Variants in GPR158 observed in about 807,000 individuals in gnomAD.
GPR158 encodes the protein G protein-coupled receptor 158, also known as metabotropic glycine receptor.
Under a neutral mutation model 78.2 loss-of-function variants are expected in GPR158, and 30 were observed. That is an observed-to-expected ratio of 0.38 (90% CI 0.29 to 0.52). The LOEUF (loss-of-function observed/expected upper bound fraction) is 0.52, where lower values mean the gene tolerates loss of function less well. Ranked by LOEUF, GPR158 falls within the 20% of genes least tolerant of loss-of-function variation. The probability of loss-of-function intolerance (pLI) is 0.83; values close to 1 mark genes in which losing one functional copy is unlikely to be tolerated. For synonymous variants in GPR158, 581 were observed against 591.1 expected (o/e 0.98, Z 0.25); for missense variants, 1,463 against 1,523.5 (o/e 0.96, Z 0.66).
chr10:25,251,310 T>G (rs1021770114), intron 2 of GPR158, among the ~76,000 whole-genome samples: 1 of 152,090 alleles, frequency 6.6e-6, no homozygotes, highest in African/African-American at 2.4e-5. Context: ...TTAGTCCATT[T>G]AAATTTAAAG....
In GPR158 at chr10:25,598,287, A is replaced by C. The variant is rs1356264631; in HGVS notation, c.2661A>C (p.Ser887=). 1 of 1,614,122 alleles carries C rather than the reference A, an allele frequency of 6.2e-7. No individual in the cohort carries two copies. The highest frequency in any genetic ancestry group is 1.7e-5 in the Admixed American group (1 of 60,014). The change falls in exon 11 of 11, where the codon TCA becomes TCC. Residue 887 remains serine, a synonymous_variant. Coordinates refer to ENST00000376351, the MANE Select transcript of GPR158 (RefSeq NM_020752.3). ...CKSASAHNLS[S]EKKTGHPRTS... The stretch of plus-strand genomic sequence containing the variant: ...CAGCAAGCGCTCACAACCTCAGCTC[A>C]GAGAAGAAAACTGGGCACCCACGAA...
In GPR158 at chr10:25,589,028, G is replaced by T. The variant is rs764493979; in HGVS notation, c.1775G>T (p.Trp592Leu). ...TAVAEFLFLL[W>L]GVYLCYAVRT... ...ACAGCTGAATTTTTATTCCTCTTGT[G>T]GGGTGTTTATCTCTGCTATGCAGTG... Residue 592 changes from tryptophan to leucine, a missense_variant, in exon 8 of 11, where the codon TGG becomes TTG. Coordinates refer to ENST00000376351, the MANE Select transcript of GPR158 (RefSeq NM_020752.3). 3.2e-6 allele frequency: 5 copies of T among 1,578,458 alleles called. No individual in the cohort carries two copies. Among genetic ancestry groups the T allele is most frequent in the Non-Finnish European group, 4.3e-6 (5 of 1,155,438 alleles).
At chr10:25,525,836 GTGGCT>G (rs1332042213) in intron 5 of GPR158, among the ~76,000 whole-genome samples, 1 of 152,124 alleles carries the variant, frequency 6.6e-6, no homozygotes, top group African/African-American at 2.4e-5. Flanking sequence ...GCCAGGCACG[GTGGCT>G]CTCTTCTGTA....
intron 2 of GPR158, among the ~76,000 whole-genome samples, chr10:25,317,377 A>G (rs977793471): frequency 6.6e-6 from 1 of 151,836 alleles, no homozygotes; most frequent in Non-Finnish European, 1.5e-5. Flanking sequence ...TTTAAAGCTC[A>G]CTTTCATTTT....
intron 4 of GPR158, among the ~76,000 whole-genome samples, chr10:25,414,461 A>G (rs916762637): frequency 6.6e-6 from 1 of 152,166 alleles, no homozygotes; most frequent in Non-Finnish European, 1.5e-5. Flanking sequence ...TCGAAGAATC[A>G]GTTTTTACAG....
At chr10:25,367,319 G>C (rs530800075) in intron 2 of GPR158, among the ~76,000 whole-genome samples, 1 of 151,146 alleles carries the variant, frequency 6.6e-6, no homozygotes, top group South Asian at 2.1e-4. Context: ...TTTTTCTCTA[G>C]ACTCTATTCT....
intron 6 of GPR158, among the ~76,000 whole-genome samples, chr10:25,559,982 A>T (rs1468453597): frequency 2.0e-5 from 3 of 152,228 alleles, no homozygotes; most frequent in Non-Finnish European, 4.4e-5. Context: ...CGAAGGGAAA[A>T]CAAACAGCAC....
intron 2 of GPR158, among the ~76,000 whole-genome samples, chr10:25,275,422 TA>T (rs1292994286): frequency 6.6e-6 from 1 of 152,192 alleles, no homozygotes; most frequent in East Asian, 1.9e-4. Flanking sequence ...TGGAACTCTT[TA>T]AACTCTTGTT....
At chr10:25,503,213 A>G (rs1163547034) in intron 5 of GPR158, among the ~76,000 whole-genome samples, 1 of 152,014 alleles carries the variant, frequency 6.6e-6, no homozygotes, top group Non-Finnish European at 1.5e-5. Flanking sequence ...TGCAAAAAAA[A>G]AAAAAAAATT....
intron 4 of GPR158, among the ~76,000 whole-genome samples, chr10:25,432,005 TAATAA>T (rs1007627834): frequency 8.2e-5 from 6 of 73,564 alleles, no homozygotes; most frequent in African/African-American, 2.4e-4. Context: ...AGTATAATAA[TAATAA>T]AATAAAAAAA....
intron 5 of GPR158, among the ~76,000 whole-genome samples, chr10:25,502,822 C>G (rs1285812740): frequency 1.3e-5 from 2 of 152,078 alleles, no homozygotes; most frequent in African/African-American, 4.8e-5. Context: ...TCTATAGGCA[C>G]TGGAATGGCA....
chr10:25,586,510 C>G (rs193291269), intron 7 of GPR158, among the ~76,000 whole-genome samples: 1 of 148,730 alleles, frequency 6.7e-6, no homozygotes, highest in African/African-American at 2.5e-5. Context: ...TCAAGCAATT[C>G]GCCTGCCTCA....
At chr10:25,310,990 G>C (rs912090886) in intron 2 of GPR158, among the ~76,000 whole-genome samples, 6 of 151,936 alleles carry the variant, frequency 3.9e-5, no homozygotes, top group African/African-American at 1.2e-4. Context: ...AGTAATCTGA[G>C]AGCTCGCCTT....
intron 5 of GPR158, among the ~76,000 whole-genome samples, chr10:25,519,260 T>C (rs923881382): frequency 3.6e-5 from 5 of 138,180 alleles, no homozygotes; most frequent in African/African-American, 1.5e-4. Context: ...TTTGAGCCTA[T>C]GTGTGTCTCT....
At chr10:25,296,132 G>A (rs1454223205) in intron 2 of GPR158, among the ~76,000 whole-genome samples, 4 of 151,832 alleles carry the variant, frequency 2.6e-5, no homozygotes, top group African/African-American at 4.8e-5. Context: ...GGATACCCTG[G>A]AACACAAATA....
intron 4 of GPR158, among the ~76,000 whole-genome samples, chr10:25,416,989 A>C (rs552511073): frequency 6.6e-6 from 1 of 152,260 alleles, no homozygotes; most frequent in East Asian, 1.9e-4. Context: ...GCCAGCAGGA[A>C]GGGCTTTCCT....
intron 5 of GPR158, among the ~76,000 whole-genome samples, chr10:25,531,576 G>A (rs983316315): frequency 2.0e-5 from 3 of 152,200 alleles, no homozygotes; most frequent in South Asian, 2.1e-4. Context: ...ATGAGGCAGT[G>A]AGTCAGACTG....
intron 5 of GPR158, among the ~76,000 whole-genome samples, chr10:25,533,971 A>G (rs1228086430): frequency 6.6e-6 from 1 of 152,318 alleles, no homozygotes; most frequent in East Asian, 1.9e-4. Context: ...TAAGAAATAA[A>G]CAAGTTATTT....
intron 2 of GPR158, among the ~76,000 whole-genome samples, chr10:25,367,796 A>G: frequency 6.6e-6 from 1 of 151,704 alleles, no homozygotes; most frequent in Non-Finnish European, 1.5e-5. Context: ...AACTCTGGTA[A>G]TGGTTTTTGC....
Sources: gnomAD v4.1 joint callset for allele counts (sites outside exome capture counted in the v4.1 genomes callset) on GRCh38, gnomAD v4.1.1 for gene constraint, MANE v1.5 for transcripts, NCBI Gene and HGNC (gene_info 2026-07-23, HGNC 2026-07-21) for gene names.